Variants in DPP10 observed in about 807,000 individuals in gnomAD.
The protein encoded by DPP10 is inactive dipeptidyl peptidase 10.
A neutral mutation model predicts 120.9 loss-of-function variants in DPP10; 33 were observed. That is an observed-to-expected ratio of 0.27 (90% CI 0.21 to 0.37). DPP10 has a LOEUF of 0.37. Ranked by LOEUF, DPP10 falls within the 10% of genes least tolerant of loss-of-function variation. DPP10 has a pLI of 1.00. For synonymous variants in DPP10, 337 were observed against 326.1 expected (o/e 1.03, Z -0.36); for missense variants, 816 against 942.8 (o/e 0.87, Z 1.76).
intron 8 of DPP10, 151 bp downstream of exon 8, chr2:115,728,087 C>G: frequency 1.2e-6 from 1 of 836,706 alleles, no homozygotes. Context: ...CATATCTTTG[C>G]ATGTGCTTAT....
intron 1 of DPP10, among the ~76,000 whole-genome samples, chr2:115,082,696 C>A (rs1708371669): frequency 6.6e-6 from 1 of 152,130 alleles, no homozygotes; most frequent in Non-Finnish European, 1.5e-5. Flanking sequence ...TGGAAAGGTG[C>A]CCTACTCATT....
intron 2 of DPP10, among the ~76,000 whole-genome samples, chr2:115,321,103 C>T (rs13027054): frequency 0.027 from 4,141 of 152,170 alleles, 72 homozygotes; most frequent in South Asian, 0.06. Flanking sequence ...AGTTTGAGAC[C>T]AGCCTGGCCA....
intron 1 of DPP10, among the ~76,000 whole-genome samples, chr2:114,950,107 AG>A (rs1259364277): frequency 5.3e-5 from 8 of 152,166 alleles, no homozygotes; most frequent in Non-Finnish European, 1.5e-5. Flanking sequence ...CTTGTGTTTA[AG>A]ATTATCTTTC....
chr2:114,642,042 A>G (rs1695745770), intron 1 of DPP10, among the ~76,000 whole-genome samples: 1 of 151,980 alleles, frequency 6.6e-6, no homozygotes, highest in Non-Finnish European at 1.5e-5. Flanking sequence ...AATAATTTTA[A>G]GTCTTTGCCT....
chr2:115,600,165 C>T (rs1482348371), intron 5 of DPP10, among the ~76,000 whole-genome samples: 2 of 152,026 alleles, frequency 1.3e-5, no homozygotes, highest in African/African-American at 2.4e-5. Flanking sequence ...AGGGATTTTA[C>T]GCTATGCTGC....
intron 1 of DPP10, among the ~76,000 whole-genome samples, chr2:114,665,010 A>AAAAGATGACACAGAGCATC (rs1470271118): frequency 7.9e-6 from 1 of 127,018 alleles, no homozygotes; most frequent in Non-Finnish European, 1.5e-5. Context: ...CACAGAGCAT[A>AAAAGATGACACAGAGCATC]CAAAAGATGG....
chr2:115,111,068 G>A (rs1275801385), intron 1 of DPP10, among the ~76,000 whole-genome samples: 1 of 152,132 alleles, frequency 6.6e-6, no homozygotes, highest in Non-Finnish European at 1.5e-5. Context: ...TGTGGAGAAG[G>A]AAACGCAATC....
intron 1 of DPP10, among the ~76,000 whole-genome samples, chr2:115,112,721 G>A (rs1474917287): frequency 6.6e-6 from 1 of 152,172 alleles, no homozygotes; most frequent in Non-Finnish European, 1.5e-5. Flanking sequence ...GTAGCGGGGA[G>A]GTGTTGGCCA....
chr2:115,173,062 C>G (rs1449452637), intron 1 of DPP10, among the ~76,000 whole-genome samples: 2 of 152,190 alleles, frequency 1.3e-5, no homozygotes, highest in Non-Finnish European at 2.9e-5. Context: ...AAATGGAAAA[C>G]TGAATATGCA....
chr2:114,978,632 T>C (rs1458629611), intron 1 of DPP10, among the ~76,000 whole-genome samples: 1 of 152,122 alleles, frequency 6.6e-6, no homozygotes, highest in Non-Finnish European at 1.5e-5. Flanking sequence ...TTACCTGGTG[T>C]CTTGTGATAA....
chr2:115,021,736 G>A (rs983033614), intron 1 of DPP10, among the ~76,000 whole-genome samples: 2 of 152,048 alleles, frequency 1.3e-5, no homozygotes, highest in Middle Eastern at 3.4e-3. Flanking sequence ...CAATATCACT[G>A]ATCAATGCAA....
At chr2:114,974,117 AAGCCT>A (rs1280137758) in intron 1 of DPP10, among the ~76,000 whole-genome samples, 1 of 152,170 alleles carries the variant, frequency 6.6e-6, no homozygotes, top group East Asian at 1.9e-4. Context: ...GAATTTAATA[AAGCCT>A]AGGTGTGCAG....
At chr2:114,803,050 AC>A (rs1480109721) in intron 1 of DPP10, among the ~76,000 whole-genome samples, 3 of 152,262 alleles carry the variant, frequency 2.0e-5, no homozygotes, top group Non-Finnish European at 4.4e-5. Flanking sequence ...TACGTGTTGT[AC>A]GAGGGACTCA....
intron 4 of DPP10, among the ~76,000 whole-genome samples, chr2:115,503,410 A>T (rs1313883770): frequency 6.6e-6 from 1 of 152,184 alleles, no homozygotes; most frequent in African/African-American, 2.4e-5. Flanking sequence ...CAAGAAACTT[A>T]CTATTCAGTT....
chr2:114,737,936 GA>G (rs1324543297), intron 1 of DPP10, among the ~76,000 whole-genome samples: 4 of 152,210 alleles, frequency 2.6e-5, no homozygotes, highest in Non-Finnish European at 5.9e-5. Flanking sequence ...GATTTGTAAA[GA>G]AAAGAGGTTT....
intron 1 of DPP10, among the ~76,000 whole-genome samples, chr2:115,071,823 A>G (rs2105458525): frequency 6.6e-6 from 1 of 152,226 alleles, no homozygotes; most frequent in African/African-American, 2.4e-5. Context: ...CTGAGAGGAA[A>G]TTTCCTGGTC....
chr2:115,720,216 T>A (rs2092611423), intron 7 of DPP10, among the ~76,000 whole-genome samples: 1 of 152,198 alleles, frequency 6.6e-6, no homozygotes, highest in Non-Finnish European at 1.5e-5. Flanking sequence ...CTCTTTTTCA[T>A]TTTAGCCATT....
At chr2:115,799,550 C>G (rs1684928933) in intron 19 of DPP10, among the ~76,000 whole-genome samples, 2 of 151,112 alleles carry the variant, frequency 1.3e-5, no homozygotes, top group African/African-American at 4.9e-5. Context: ...CGTCATTTAG[C>G]ATTAGGTATA....
chr2:115,619,324 G>A (rs940913584), intron 5 of DPP10, among the ~76,000 whole-genome samples: 7 of 151,386 alleles, frequency 4.6e-5, no homozygotes, highest in Non-Finnish European at 1.0e-4. Flanking sequence ...ATCCGCCCGC[G>A]TCGGCATCCC....
Sources: gnomAD v4.1 joint callset for allele counts (sites outside exome capture counted in the v4.1 genomes callset) on GRCh38, gnomAD v4.1.1 for gene constraint, MANE v1.5 for transcripts, NCBI Gene and HGNC (gene_info 2026-07-23, HGNC 2026-07-21) for gene names.